The following PEPD variants were observed in gnomAD, a reference collection of about 807,000 sequenced individuals.
The protein encoded by PEPD is peptidase D.
PEPD carries 53 observed loss-of-function variants against 60.7 expected under a neutral mutation model. That is an observed-to-expected ratio of 0.87 (90% confidence interval 0.70 to 1.10). The LOEUF (loss-of-function observed/expected upper bound fraction) is 1.10, where lower values mean the gene tolerates loss of function less well. Ranked by LOEUF, PEPD falls within the 50% of genes least tolerant of loss-of-function variation. The pLI is 0.00. For missense variants in PEPD, 711 were observed against 711.9 expected (o/e 1.00, Z 0.01); for synonymous variants, 267 against 284.1 (o/e 0.94, Z 0.60).
Position 33,512,642 on chromosome 19 carries a change from C to A in PEPD, c.152G>T (p.Gly51Val). 1 of 1,613,964 alleles carries A rather than the reference C, an allele frequency of 6.2e-7. No homozygotes were observed. The highest frequency in any genetic ancestry group is 1.3e-5 in the African/African-American group (1 of 75,072). ...QAGSIVVLQG[G>V]EETQRYCTDT... Reference sequence around the variant, plus strand: ...GGTGCAGTAGCGCTGAGTCTCCTCCCCGCCCTGCAGGACCACGATGGAGCC... The same window carrying A: ...GGTGCAGTAGCGCTGAGTCTCCTCCACGCCCTGCAGGACCACGATGGAGCC... Residue 51 changes from glycine to valine, a missense_variant, in exon 2 of 15, where the codon GGG (glycine) becomes GTG (valine). Transcript: ENST00000244137.
intron 4 of PEPD, among the ~76,000 whole-genome samples, chr19:33,493,742 G>A (rs991851527): frequency 2.0e-5 from 3 of 152,050 alleles, no homozygotes; most frequent in Admixed American, 6.5e-5. Flanking sequence ...CTGGTTCCTA[G>A]GGCAGAAGAC....
chr19:33,504,093 C>G (rs1433546732), intron 3 of PEPD, among the ~76,000 whole-genome samples: 4 of 152,226 alleles, frequency 2.6e-5, no homozygotes, highest in Non-Finnish European at 4.4e-5. Flanking sequence ...CTGTGCATTG[C>G]ATTCTCTTTT....
At chr19:33,388,298 A>G (rs968014037) in intron 13 of PEPD, 2 of 668,918 alleles carry the variant, frequency 3.0e-6, no homozygotes, top group Non-Finnish European at 5.6e-6. Flanking sequence ...GTCCCTGGCC[A>G]CACTACCCTA....
chr19:33,492,136 A>C (rs1970513519), intron 5 of PEPD, among the ~76,000 whole-genome samples: 1 of 151,908 alleles, frequency 6.6e-6, no homozygotes, highest in South Asian at 2.1e-4. Flanking sequence ...AAGCTCAAAG[A>C]AGTGTAAGAA....
chr19:33,458,825 G>A (rs76486369), intron 9 of PEPD, among the ~76,000 whole-genome samples: 3 of 116,018 alleles, frequency 2.6e-5, no homozygotes, highest in Non-Finnish European at 5.1e-5. Context: ...TGTATGTGGA[G>A]TGCGCAGGAT....
intron 4 of PEPD, among the ~76,000 whole-genome samples, chr19:33,498,410 T>TA (rs1216190767): frequency 6.6e-6 from 1 of 152,220 alleles, no homozygotes; most frequent in South Asian, 2.1e-4. Context: ...GCCTGTCTCT[T>TA]ACTTTGCTTA....
chr19:33,500,911 T>C (rs376985353), intron 4 of PEPD, 27 bp downstream of exon 4: 32 of 1,400,552 alleles, frequency 2.3e-5, no homozygotes, highest in African/African-American at 5.6e-5. Context: ...AGCCCTGGGC[T>C]GCTCAGAGGA....
intron 3 of PEPD, among the ~76,000 whole-genome samples, chr19:33,501,673 T>C (rs763431817): frequency 8.6e-5 from 13 of 151,698 alleles, no homozygotes; most frequent in Admixed American, 8.5e-4. Flanking sequence ...CGAGACTCCA[T>C]CTCAAATAAT....
At chr19:33,501,250 T>C (rs920665524) in intron 3 of PEPD, among the ~76,000 whole-genome samples, 4 of 152,094 alleles carry the variant, frequency 2.6e-5, no homozygotes, top group East Asian at 1.9e-4. Context: ...TCCGTGACCC[T>C]AGCCACCTGC....
chr19:33,388,280 T>G, intron 13 of PEPD, 199 bp from the exon 14 acceptor site: 1 of 695,876 alleles, frequency 1.4e-6, no homozygotes, highest in South Asian at 1.5e-5. Context: ...TACCCCTGGA[T>G]CTTGAGTGTC....
intron 3 of PEPD, among the ~76,000 whole-genome samples, chr19:33,509,948 GC>G (rs1376160051): frequency 6.6e-6 from 1 of 152,224 alleles, no homozygotes; most frequent in Non-Finnish European, 1.5e-5. Context: ...GGCAGGACCT[GC>G]GCTGCGTCCA....
intron 11 of PEPD, among the ~76,000 whole-genome samples, chr19:33,410,576 C>T (rs1199660249): frequency 6.6e-6 from 1 of 152,204 alleles, no homozygotes; most frequent in African/African-American, 2.4e-5. Flanking sequence ...TGGGAACTCC[C>T]GCTGGAGGAG....
chr19:33,478,265 G>T (rs1324089711), intron 6 of PEPD, among the ~76,000 whole-genome samples, 175 bp from the exon 7 acceptor site: 1 of 152,196 alleles, frequency 6.6e-6, no homozygotes, highest in Admixed American at 6.5e-5. Context: ...AGACCTGGCA[G>T]CCTGGGCCAT....
chr19:33,401,290 A>C (rs1283045505), intron 12 of PEPD, among the ~76,000 whole-genome samples: 1 of 152,228 alleles, frequency 6.6e-6, no homozygotes, highest in Non-Finnish European at 1.5e-5. Flanking sequence ...AGATGTGGAA[A>C]CGGCCACCCA....
In PEPD at chr19:33,511,508, G is replaced by T. The variant is rs145760517; in HGVS notation, c.202-353C>A. On this transcript the variant is annotated intron_variant, in intron 2 of 14. Transcript: ENST00000244137. ...TCTGCCACGTGCAGGCAGGCAAGAC[G>T]CCCCCCGGATTCTGACGCCCAGGCC... 1.4e-4 allele frequency: 49 copies of T among 354,776 alleles called. No homozygotes were observed. The East Asian group carries it at 2.8e-3, about 21-fold the overall frequency. 22.0% of individuals were successfully genotyped at this position (354,776 alleles called of 1,614,324 possible). A position where few individuals can be genotyped will look rare whatever the true frequency, so the allele number is the denominator to read the frequency against.
At chr19:33,419,930 A>G (rs1463720602) in intron 9 of PEPD, among the ~76,000 whole-genome samples, 1 of 152,244 alleles carries the variant, frequency 6.6e-6, no homozygotes, top group East Asian at 1.9e-4. Flanking sequence ...GGCAGCGGCC[A>G]AGACAGCAGC....
At chr19:33,413,740 G>A in intron 9 of PEPD, 97 bp from the exon 10 acceptor site, 2 of 752,502 alleles carry the variant, frequency 2.7e-6, no homozygotes, top group Non-Finnish European at 4.7e-6. Flanking sequence ...TCGGCCCATG[G>A]TCTCCCCTGC....
At chr19:33,492,867 T>A (rs1970527052) in intron 5 of PEPD, among the ~76,000 whole-genome samples, 1 of 152,122 alleles carries the variant, frequency 6.6e-6, no homozygotes, top group African/African-American at 2.4e-5. Flanking sequence ...CTGATGACCA[T>A]TCCTCTTGGT....
At chr19:33,438,729 C>T (rs534996235) in intron 9 of PEPD, among the ~76,000 whole-genome samples, 1 of 152,340 alleles carries the variant, frequency 6.6e-6, no homozygotes, top group East Asian at 1.9e-4. Context: ...GCTTCCTGCC[C>T]TTTTGAGACG....
Sources: gnomAD v4.1 joint callset for allele counts (sites outside exome capture counted in the v4.1 genomes callset) on GRCh38, gnomAD v4.1.1 for gene constraint, MANE v1.5 for transcripts, NCBI Gene and HGNC (gene_info 2026-07-23, HGNC 2026-07-21) for gene names.